The following NFRKB variants were observed in gnomAD, a reference collection of about 807,000 sequenced individuals.
The protein encoded by NFRKB is nuclear factor related to kappa-B-binding protein.
Under a neutral mutation model 135.7 loss-of-function variants are expected in NFRKB, and 62 were observed. That is an observed-to-expected ratio of 0.46 (90% confidence interval 0.37 to 0.56). The LOEUF (loss-of-function observed/expected upper bound fraction) is 0.56, where lower values mean the gene tolerates loss of function less well. Among genes scored for constraint, NFRKB ranks in the 20% least tolerant of loss-of-function variants. NFRKB has a pLI of 0.00. For synonymous variants in NFRKB, 678 were observed against 635.6 expected, an observed-to-expected ratio of 1.07 and a Z score of -1.00; for missense variants, 1,545 against 1,662.0, an observed-to-expected ratio of 0.93 and a Z score of 1.22.
At chr11:129,870,709 G>A (rs941872554) in intron 23 of NFRKB, among the ~76,000 whole-genome samples, 3 of 152,114 alleles carry the variant, frequency 2.0e-5, no homozygotes, top group Non-Finnish European at 4.4e-5. Context: ...TGGGACTACA[G>A]GTGTACAACT....
In NFRKB at chr11:129,864,624, C is replaced by T; in HGVS notation, c.*101G>A. 6.4e-7 allele frequency: 1 copy of T among 1,551,114 alleles called. No homozygotes were observed. ...TTGCCATCACCCCTCGCCTGGCTGC[C>T]TTGAACAGGCAAGCTTAAAACAATG... On this transcript the variant is annotated 3_prime_UTR_variant, in exon 27 of 27. Transcript: ENST00000682444.
Position 129,869,796 on chromosome 11 carries a change from C to A in NFRKB, c.3229G>T (p.Val1077Leu). Reference sequence around the variant, plus strand: ...GCTGGTTTTGCTTCTGAAGAGGCCACTGTGCTTTTTCCCTTCTGGTCAGCC... The same window carrying A: ...GCTGGTTTTGCTTCTGAAGAGGCCAATGTGCTTTTTCCCTTCTGGTCAGCC... Reference protein sequence around the residue: ...SVADQKGKSTVASSEAKPAAT... With the variant: ...SVADQKGKSTLASSEAKPAAT... Residue 1077 changes from valine to leucine, a missense_variant, in exon 24 of 27, where the codon GTG becomes TTG. By Grantham distance (32) the Val-to-Leu change is conservative. Transcript: ENST00000682444. 6.2e-7 allele frequency: 1 copy of A among 1,614,248 alleles called. No homozygotes were observed. Among genetic ancestry groups the A allele is most frequent in the Non-Finnish European group, 8.5e-7 (1 of 1,180,040 alleles).
chr11:129,882,623 C>A lies in NFRKB; in HGVS notation c.910G>T (p.Asp304Tyr). The change falls in exon 10 of 27, where the codon GAC becomes TAC. Residue 304 changes from aspartate (D) to tyrosine (Y), a missense_variant. Transcript: ENST00000682444. ...ACCTTTTTTTTAAGGACAGCCAAGT[C>A]ATATAAGGCTAGAAAGGCAAAGTAA... ...GRKGSLAALY[D>Y]LAVLKKKVKE... 2 of 1,613,304 alleles carry A rather than the reference C, an allele frequency of 1.2e-6. No individual in the cohort carries two copies. Among genetic ancestry groups the A allele is most frequent in the South Asian group, 2.2e-5 (2 of 90,994 alleles).
At chr11:129,895,058 A>G (rs7120896) in intron 1 of NFRKB, among the ~76,000 whole-genome samples, 54,536 of 152,112 alleles carry the variant, frequency 0.36, 10,561 homozygotes, top group East Asian at 0.5. Context: ...CCGGAAGCCA[A>G]GGATTTCCAG....
Position 129,869,402 on chromosome 11 carries a change from T to C in NFRKB, c.3531+92A>G, listed in dbSNP as rs557238459. 1.7e-5 allele frequency: 24 copies of C among 1,428,924 alleles called. No individual in the cohort carries two copies. The South Asian group carries it at 3.2e-4, about 19-fold the overall frequency. 88.5% of individuals were successfully genotyped at this position (1,428,924 alleles called of 1,614,324 possible). Reference sequence around the variant, plus strand: ...TTTCCACTCCTAAAAAGAAGTTTCCTAGTTTTTAGGGAGTTTCTCGGGTAA... The same window carrying C: ...TTTCCACTCCTAAAAAGAAGTTTCCCAGTTTTTAGGGAGTTTCTCGGGTAA... On this transcript the variant is annotated intron_variant, in intron 24 of 26. Transcript: ENST00000682444.
rs1327276654 is a variant in NFRKB at position 129,874,093 on chromosome 11, G to C, written c.2279+20C>G. On this transcript the variant is annotated intron_variant, in intron 21 of 26. Coordinates refer to ENST00000682444, the MANE Select transcript of NFRKB (RefSeq NM_001143835.2). This position sits in a 1 kb window ranked among gnomAD's most constrained non-coding sequence, Gnocchi z 4.5. ...AAAAGAACTCTAGAACGAAAAAGCT[G>C]AAGAAAAGGAGGAACTTACCCCGAG... 17 of 1,566,572 alleles carry C rather than the reference G, an allele frequency of 1.1e-5. No homozygotes were observed. Among genetic ancestry groups the C allele is most frequent in the South Asian group, 2.4e-5 (2 of 82,994 alleles).
intron 4 of NFRKB, 54 bp downstream of exon 4, chr11:129,888,540 T>A (rs1565423014): frequency 1.4e-6 from 2 of 1,481,264 alleles, no homozygotes; most frequent in East Asian, 4.5e-5. Context: ...CCACATAAAG[T>A]GAACGTGTGC....
intron 4 of NFRKB, chr11:129,888,279 T>A: frequency 1.7e-6 from 1 of 591,860 alleles, no homozygotes; most frequent in Non-Finnish European, 3.0e-6. Context: ...AAGCTCTTTT[T>A]AAAATTTTTT....
intron 25 of NFRKB, 140 bp downstream of exon 25, chr11:129,865,737 T>G (rs1035949042): frequency 1.4e-6 from 1 of 689,956 alleles, no homozygotes; most frequent in African/African-American, 1.8e-5. Context: ...TAAATACTGT[T>G]GATGAGCACA....
chr11:129,893,511 G>GATC, intron 2 of NFRKB: 1 of 184,674 alleles, frequency 5.4e-6, no homozygotes, highest in Admixed American at 5.5e-5. Context: ...AATAAGCCGT[G>GATC]ATCACGCTAC....
In NFRKB at chr11:129,878,292, T is replaced by G; in HGVS notation, c.1511+17A>C. 1.2e-6 allele frequency: 2 copies of G among 1,613,506 alleles called. No individual in the cohort carries two copies. Among genetic ancestry groups the G allele is most frequent in the South Asian group, 2.2e-5 (2 of 90,996 alleles). ...AGTTTCCCAGGACACCACCCACCACTACAGTATTGTACTCACACCCGAGGG... is the reference window on the plus strand; with the variant it reads ...AGTTTCCCAGGACACCACCCACCACGACAGTATTGTACTCACACCCGAGGG... On this transcript the variant is annotated intron_variant, in intron 15 of 26. Coordinates refer to ENST00000682444, the MANE Select transcript of NFRKB (RefSeq NM_001143835.2).
In NFRKB at chr11:129,884,841, T is replaced by C; in HGVS notation, c.646A>G (p.Ser216Gly). The stretch of plus-strand genomic sequence containing the variant: ...GCTGGAGAGCTCGGAAGCCATGAGC[T>C]GAGATCTTCAAAAGAAAATTGTTCT... Reference protein sequence around the residue: ...TALSSDEEDLSSWLPSSPARS... With the variant: ...TALSSDEEDLGSWLPSSPARS... Residue 216 changes from serine to glycine, a missense_variant, in exon 7 of 27, where the codon AGC becomes GGC. Coordinates refer to ENST00000682444, the MANE Select transcript of NFRKB (RefSeq NM_001143835.2). 6.2e-7 allele frequency: 1 copy of C among 1,614,000 alleles called. No homozygotes were observed. Among genetic ancestry groups the C allele is most frequent in the Non-Finnish European group, 8.5e-7 (1 of 1,179,870 alleles).
intron 3 of NFRKB, 109 bp from the exon 4 acceptor site, chr11:129,888,904 AT>A: frequency 1.3e-6 from 1 of 797,718 alleles, no homozygotes; most frequent in Admixed American, 2.7e-5. Context: ...CAATTTAACC[AT>A]TTTTAAGTGT....
chr11:129,883,091 T>TG, intron 9 of NFRKB, 31 bp downstream of exon 9: 1 of 1,604,304 alleles, frequency 6.2e-7, no homozygotes, highest in Non-Finnish European at 8.5e-7. Context: ...CATAGTCAGA[T>TG]GAAGGCTCCT....
At chr11:129,868,992 C>T (rs1948356356) in intron 24 of NFRKB, among the ~76,000 whole-genome samples, 1 of 152,136 alleles carries the variant, frequency 6.6e-6, no homozygotes, top group South Asian at 2.1e-4. Flanking sequence ...TGCGCTCCAG[C>T]CTGGGCAACA....
chr11:129,885,373 C>T, intron 6 of NFRKB, 62 bp downstream of exon 6: 1 of 1,536,368 alleles, frequency 6.5e-7, no homozygotes, highest in Admixed American at 1.9e-5. Context: ...CTGGCTCCAA[C>T]CGGACAAGTG....
At chr11:129,873,319 A>G (rs1948605931) in intron 22 of NFRKB, among the ~76,000 whole-genome samples, 1 of 152,222 alleles carries the variant, frequency 6.6e-6, no homozygotes, top group Non-Finnish European at 1.5e-5. Flanking sequence ...TTATTCCTAC[A>G]CACTGAGGAC....
At chr11:129,868,397 C>T (rs1948312559) in intron 24 of NFRKB, among the ~76,000 whole-genome samples, 1 of 152,188 alleles carries the variant, frequency 6.6e-6, no homozygotes. Flanking sequence ...CCCCTTTTCA[C>T]CAGTAAGACA....
Position 129,873,946 on chromosome 11 carries a change from A to C in NFRKB, c.2349T>G (p.Thr783=), listed in dbSNP as rs1326571072. Residue 783 remains threonine, a synonymous_variant, in exon 22 of 27, where the codon ACT becomes ACG. Transcript: ENST00000682444. Reference sequence around the variant, plus strand: ...GGGCGGCAGCCTGAGAACTGGGTGCAGTCTGGCTGGAAGCTGGGGAAAGCA... The same window carrying C: ...GGGCGGCAGCCTGAGAACTGGGTGCCGTCTGGCTGGAAGCTGGGGAAAGCA... ...GTMLSPASSQ[T]APSSQAAARV... The C allele has an allele frequency of 1.9e-6, 3 of 1,613,162 alleles. No homozygotes were observed. In the East Asian group the frequency reaches 6.7e-5, roughly 36 times the overall value.
Sources: gnomAD v4.1 joint callset for allele counts (sites outside exome capture counted in the v4.1 genomes callset) on GRCh38, gnomAD v4.1.1 for gene constraint, Gnocchi (gnomAD v3.1) non-coding constraint, MANE v1.5 for transcripts, NCBI Gene and HGNC (gene_info 2026-07-23, HGNC 2026-07-21) for gene names.